Variants in ST6GALNAC3 observed in about 807,000 individuals in gnomAD.
ST6GALNAC3 encodes ST6 N-acetylgalactosaminide alpha-2,6-sialyltransferase 3, also known as alpha-N-acetylgalactosaminide alpha-2,6-sialyltransferase 3.
A neutral mutation model predicts 32.7 loss-of-function variants in ST6GALNAC3; 25 were observed. The observed-to-expected ratio is 0.76, with a 90% CI of 0.56 to 1.07. The LOEUF (loss-of-function observed/expected upper bound fraction) is 1.07, where lower values mean the gene tolerates loss of function less well. ST6GALNAC3 is among the 50% of genes least tolerant of loss of function. The pLI, the probability that ST6GALNAC3 is intolerant of heterozygous loss-of-function variation, is 0.00. For synonymous variants in ST6GALNAC3, 129 were observed against 133.1 expected (o/e 0.97, Z 0.21); for missense variants, 355 against 382.4 (o/e 0.93, Z 0.60).
intron 3 of ST6GALNAC3, among the ~76,000 whole-genome samples, chr1:76,622,501 C>T (rs1648712327): frequency 6.6e-6 from 1 of 151,872 alleles, no homozygotes; most frequent in Non-Finnish European, 1.5e-5. Flanking sequence ...GCCCTCAGAG[C>T]AATCACCCTA....
At chr1:76,456,357 A>AT (rs1213582416) in intron 3 of ST6GALNAC3, among the ~76,000 whole-genome samples, 1 of 150,946 alleles carries the variant, frequency 6.6e-6, no homozygotes, top group African/African-American at 2.4e-5. Context: ...TTATTTATTT[A>AT]TTTTTTTGAG....
intron 2 of ST6GALNAC3, among the ~76,000 whole-genome samples, chr1:76,381,392 C>T (rs1482774362): frequency 1.3e-5 from 2 of 151,954 alleles, no homozygotes; most frequent in Non-Finnish European, 2.9e-5. Context: ...CTTAAAGAAG[C>T]CCCTGATAAA....
At chr1:76,350,975 A>G (rs187090790) in intron 2 of ST6GALNAC3, among the ~76,000 whole-genome samples, 26 of 152,290 alleles carry the variant, frequency 1.7e-4, no homozygotes, top group African/African-American at 6.0e-4. Flanking sequence ...TGTGACTAAG[A>G]AAAGTGTTTA....
chr1:76,495,530 G>A (rs1660799406), intron 3 of ST6GALNAC3, among the ~76,000 whole-genome samples: 1 of 152,098 alleles, frequency 6.6e-6, no homozygotes. Context: ...ACTGTCTGAT[G>A]AAGGCCAGGA....
chr1:76,243,677 C>T (rs180808016), intron 1 of ST6GALNAC3, among the ~76,000 whole-genome samples: 3 of 152,296 alleles, frequency 2.0e-5, no homozygotes, highest in Non-Finnish European at 2.9e-5. Context: ...CTATGGCTAG[C>T]TAGTTTTCCC....
At chr1:76,426,818 G>T (rs550850764) in intron 3 of ST6GALNAC3, among the ~76,000 whole-genome samples, 4 of 151,988 alleles carry the variant, frequency 2.6e-5, no homozygotes, top group Admixed American at 6.6e-5. Context: ...TACGACATCA[G>T]TTGGCTATAG....
intron 3 of ST6GALNAC3, among the ~76,000 whole-genome samples, chr1:76,622,842 T>G (rs1273990878): frequency 6.6e-6 from 1 of 151,970 alleles, no homozygotes; most frequent in Non-Finnish European, 1.5e-5. Context: ...AAAGTAGCCA[T>G]TTCCATTTCC....
At chr1:76,143,557 T>C (rs1650479825) in intron 1 of ST6GALNAC3, among the ~76,000 whole-genome samples, 1 of 152,168 alleles carries the variant, frequency 6.6e-6, no homozygotes, top group Admixed American at 6.5e-5. Flanking sequence ...TTAAAACCTT[T>C]GAAAAATCAA....
intron 1 of ST6GALNAC3, among the ~76,000 whole-genome samples, chr1:76,149,095 C>T (rs548666949): frequency 6.6e-6 from 1 of 152,264 alleles, no homozygotes; most frequent in East Asian, 1.9e-4. Context: ...GTGTATGGCA[C>T]CTGGTAATCG....
At chr1:76,558,795 T>G (rs372412585) in intron 3 of ST6GALNAC3, among the ~76,000 whole-genome samples, 1 of 152,220 alleles carries the variant, frequency 6.6e-6, no homozygotes, top group Non-Finnish European at 1.5e-5. Context: ...TAGATACATT[T>G]ATCTATGCCA....
chr1:76,185,832 G>A (rs566099524), intron 1 of ST6GALNAC3, among the ~76,000 whole-genome samples: 2 of 152,268 alleles, frequency 1.3e-5, no homozygotes, highest in East Asian at 1.9e-4. Flanking sequence ...AAAAATATAT[G>A]TCTGTACTGA....
intron 1 of ST6GALNAC3, among the ~76,000 whole-genome samples, chr1:76,226,980 G>T (rs1478690746): frequency 6.6e-6 from 1 of 152,154 alleles, no homozygotes; most frequent in African/African-American, 2.4e-5. Context: ...TGGCTTTCAT[G>T]ATAAAAAGAG....
chr1:76,270,110 A>G (rs1049177843), intron 1 of ST6GALNAC3, among the ~76,000 whole-genome samples: 2 of 152,196 alleles, frequency 1.3e-5, no homozygotes, highest in African/African-American at 2.4e-5. Flanking sequence ...AAAATAAAGA[A>G]TTCATAAAGT....
chr1:76,491,597 G>C (rs1031253527), intron 3 of ST6GALNAC3, among the ~76,000 whole-genome samples: 14 of 152,050 alleles, frequency 9.2e-5, no homozygotes, highest in African/African-American at 3.4e-4. Context: ...TAATCTAAGG[G>C]AAACATAAAA....
chr1:76,369,929 T>C (rs527614083), intron 2 of ST6GALNAC3, among the ~76,000 whole-genome samples: 5 of 152,320 alleles, frequency 3.3e-5, no homozygotes, highest in African/African-American at 1.2e-4. Flanking sequence ...TTCAAAGAGC[T>C]AGCTTGGAAC....
At chr1:76,605,550 A>C (rs1025019199) in intron 3 of ST6GALNAC3, among the ~76,000 whole-genome samples, 26 of 152,020 alleles carry the variant, frequency 1.7e-4, no homozygotes, top group Non-Finnish European at 2.9e-4. Flanking sequence ...ACAAGAAAAA[A>C]AAACAAACAA....
chr1:76,223,545 C>A (rs546219456), intron 1 of ST6GALNAC3, among the ~76,000 whole-genome samples: 1 of 152,142 alleles, frequency 6.6e-6, no homozygotes, highest in African/African-American at 2.4e-5. Context: ...GCACATGTAC[C>A]CCTGAACTTA....
rs539258842 is a variant in ST6GALNAC3, at chr1:76,409,623, G to A, written c.214-2385G>A. On this transcript the variant is annotated intron_variant, in intron 2 of 4. Coordinates refer to ENST00000328299, the MANE Select transcript of ST6GALNAC3 (RefSeq NM_152996.4). ...ATCCCTATAATGGAATCTTGTGCAGGCATAAAACTATCTCTAAGGGCTGAC... is the reference window on the plus strand; with the variant it reads ...ATCCCTATAATGGAATCTTGTGCAGACATAAAACTATCTCTAAGGGCTGAC... Among the ~76,000 whole-genome samples the A allele has an allele frequency of 5.3e-5, 8 of 152,114 alleles. No individual in the cohort carries two copies. In the East Asian group the frequency reaches 1.5e-3, roughly 29 times the overall value.
chr1:76,381,657 G>A (rs1231745520), intron 2 of ST6GALNAC3, among the ~76,000 whole-genome samples: 2 of 152,098 alleles, frequency 1.3e-5, no homozygotes, highest in Non-Finnish European at 2.9e-5. Flanking sequence ...ATGCATTGAG[G>A]TGAATGGGAC....
Sources: gnomAD v4.1 joint callset for allele counts (sites outside exome capture counted in the v4.1 genomes callset) on GRCh38, gnomAD v4.1.1 for gene constraint, MANE v1.5 for transcripts, NCBI Gene and HGNC (gene_info 2026-07-23, HGNC 2026-07-21) for gene names.